MME: variants seen among roughly 807,000 people sequenced by gnomAD.
MME encodes membrane metalloendopeptidase, also known as neprilysin.
Under a neutral mutation model 113.2 loss-of-function variants are expected in MME, and 98 were observed. The observed-to-expected ratio is 0.87, with a 90% confidence interval of 0.74 to 1.02. The LOEUF is 1.02. Among genes scored for constraint, MME ranks in the 50% least tolerant of loss-of-function variants. The pLI is 0.00. For synonymous variants in MME, 292 were observed against 300.6 expected, an observed-to-expected ratio of 0.97 and a Z score of 0.30; for missense variants, 836 against 896.0, an observed-to-expected ratio of 0.93 and a Z score of 0.86.
intron 16 of MME, among the ~76,000 whole-genome samples, chr3:155,150,966 A>T (rs1721878278): frequency 6.6e-6 from 1 of 152,082 alleles, no homozygotes; most frequent in African/African-American, 2.4e-5. Context: ...AAAGTTACTG[A>T]CTTATTTTGA....
intron 7 of MME, among the ~76,000 whole-genome samples, chr3:155,118,533 A>C (rs1334355476): frequency 6.6e-6 from 1 of 152,188 alleles, no homozygotes; most frequent in Non-Finnish European, 1.5e-5. Flanking sequence ...TATCTGCAGC[A>C]CAGTCCTCCA....
intron 22 of MME, among the ~76,000 whole-genome samples, chr3:155,173,506 T>G (rs545099631): frequency 6.6e-6 from 1 of 152,070 alleles, no homozygotes; most frequent in African/African-American, 2.4e-5. Context: ...ACACATTTAA[T>G]TATGAAGCAA....
chr3:155,044,899 A>T (rs1713497723), intron 1 of MME, among the ~76,000 whole-genome samples: 1 of 152,180 alleles, frequency 6.6e-6, no homozygotes, highest in Admixed American at 6.5e-5. Flanking sequence ...TTTTAAATAC[A>T]TGCATATTAA....
chr3:155,137,410 G>T (rs148384867), intron 8 of MME, among the ~76,000 whole-genome samples: 1 of 152,270 alleles, frequency 6.6e-6, no homozygotes, highest in Non-Finnish European at 1.5e-5. Context: ...ATTTGGTAAA[G>T]AAATGTATTA....
In MME at chr3:155,172,146, C is replaced by A. The variant is rs201494121; in HGVS notation, c.2010C>A (p.Gly670=). 1.2e-6 allele frequency: 2 copies of A among 1,609,264 alleles called. No individual in the cohort carries two copies. The highest frequency in any genetic ancestry group is 1.7e-6 in the Non-Finnish European group (2 of 1,176,064). Residue 670 remains glycine, a synonymous_variant, in exon 21 of 23, where the codon GGC becomes GGA. Transcript: ENST00000360490. ...RAYQNYIKKN[G]EEKLLPGLDL... ...ATCAGAATTATATTAAAAAGAATGG[C>A]GAAGAAAAATTACTTCCTGGACTTG... is the stretch of plus-strand genomic sequence containing the variant.
At chr3:155,117,910 C>A (rs1327045066) in intron 7 of MME, among the ~76,000 whole-genome samples, 1 of 152,150 alleles carries the variant, frequency 6.6e-6, no homozygotes, top group Non-Finnish European at 1.5e-5. Context: ...CTCTCCACAG[C>A]TGCTAGGATT....
intron 1 of MME, among the ~76,000 whole-genome samples, chr3:155,070,092 A>G (rs559024153): frequency 3.3e-5 from 5 of 152,356 alleles, no homozygotes; most frequent in South Asian, 4.1e-4. Context: ...TTGAGACAAA[A>G]GCAAGACAAT....
chr3:155,116,404 G>T lies in MME; in HGVS notation c.359-75G>T, dbSNP rs2108255030. The T allele has an allele frequency of 4.5e-6, 5 of 1,117,384 alleles. No homozygotes were observed. The East Asian group carries it at 1.2e-4, about 27-fold the overall frequency. 69.2% of individuals were successfully genotyped at this position (1,117,384 alleles called of 1,614,324 possible). On this transcript the variant is annotated intron_variant, in intron 4 of 22. Transcript: ENST00000360490. Reference sequence around the variant, plus strand: ...ACCCACTTTGCAAATGTTAATTACTGCAAATGAGCAATTATGTTTGCATAG... The same window carrying T: ...ACCCACTTTGCAAATGTTAATTACTTCAAATGAGCAATTATGTTTGCATAG...
chr3:155,155,553 C>T (rs1722253280), intron 16 of MME, among the ~76,000 whole-genome samples: 1 of 152,150 alleles, frequency 6.6e-6, no homozygotes, highest in Non-Finnish European at 1.5e-5. Context: ...ATGCTCCCAC[C>T]ACTGGTCTTA....
rs566022352 is a variant in MME at position 155,182,448 on chromosome 3, A to C, written c.*1989A>C. 1 of 152,326 alleles carries C rather than the reference A, an allele frequency of 6.6e-6. No homozygotes were observed. Among genetic ancestry groups the C allele is most frequent in the East Asian group, 1.9e-4 (1 of 5,186 alleles). 9.4% of individuals were successfully genotyped at this position (152,326 alleles called of 1,614,324 possible). ...AATCCTTCCAAAAATTATTATAAGC[A>C]TTGAAATTATAGTTTCAAGCCAACT... On this transcript the variant is annotated 3_prime_UTR_variant, in exon 23 of 23. Transcript: ENST00000360490.
chr3:155,096,070 A>G (rs998714697), intron 3 of MME, among the ~76,000 whole-genome samples: 1 of 152,180 alleles, frequency 6.6e-6, no homozygotes, highest in Admixed American at 6.5e-5. Context: ...TTTAGGACCT[A>G]CTAGTGGTTC....
rs1404780172 is a variant in MME, at chr3:155,168,460, G to T, written c.1781-32G>T. 4 of 1,576,520 alleles carry T rather than the reference G, an allele frequency of 2.5e-6. No individual in the cohort carries two copies. The African/African-American group carries it at 4.1e-5, about 16-fold the overall frequency. The stretch of plus-strand genomic sequence containing the variant: ...TATCTTATAATTCTTGTTGCAATGA[G>T]TTCCCATTTTACTTAAATAAATATA... On this transcript the variant is annotated intron_variant, in intron 18 of 22. Transcript: ENST00000360490.
At position 155,030,410 on chromosome 3, in the gene MME, TTTG is replaced by T. The variant is rs992229398; in HGVS notation, c.-11+6104_-11+6106del. On this transcript the variant is annotated intron_variant, in intron 1 of 22. Transcript: ENST00000492661. The stretch of plus-strand genomic sequence containing the variant: ...TCTTTTCAACTTTGCTTGTTTTGTT[TTTG>T]TTGTTGTTGTTGTTGTTAGATTATT... 1.9e-3 allele frequency among the ~76,000 whole-genome samples: 294 copies of T among 152,224 alleles called. 1 individual carries two copies. Among genetic ancestry groups the T allele is most frequent in the African/African-American group, 6.9e-3 (288 of 41,568 alleles).
intron 1 of MME, among the ~76,000 whole-genome samples, chr3:155,042,470 G>A (rs546001105): frequency 2.0e-5 from 3 of 152,198 alleles, no homozygotes; most frequent in South Asian, 4.2e-4. Context: ...AAGAAAGATA[G>A]GCACACGCAT....
intron 1 of MME, among the ~76,000 whole-genome samples, chr3:155,048,382 CTTCTT>C (rs1400971450): frequency 6.6e-6 from 1 of 152,102 alleles, no homozygotes; most frequent in Non-Finnish European, 1.5e-5. Flanking sequence ...TACAATCTGT[CTTCTT>C]TTGTTTCTTT....
At chr3:155,131,706 G>A (rs1720161328) in intron 8 of MME, among the ~76,000 whole-genome samples, 1 of 152,100 alleles carries the variant, frequency 6.6e-6, no homozygotes, top group Non-Finnish European at 1.5e-5. Flanking sequence ...GGTCCTCTTA[G>A]GTCCCACGTT....
chr3:155,038,398 C>A (rs150831440), intron 1 of MME, among the ~76,000 whole-genome samples: 1 of 151,134 alleles, frequency 6.6e-6, no homozygotes, highest in Admixed American at 6.6e-5. Flanking sequence ...TCACTAGTGT[C>A]TAGGACCTTG....
At chr3:155,084,944 G>A in intron 2 of MME, 115 bp from the exon 3 acceptor site, 1 of 656,706 alleles carries the variant, frequency 1.5e-6, no homozygotes, top group Non-Finnish European at 2.7e-6. Context: ...TCAGTTTTTA[G>A]TTCTTGCTTT....
chr3:155,067,657 A>G (rs924311080), intron 1 of MME, among the ~76,000 whole-genome samples: 8 of 152,104 alleles, frequency 5.3e-5, no homozygotes, highest in African/African-American at 1.9e-4. Context: ...AAAAAGATAT[A>G]TGGATAACAA....
Sources: allele counts gnomAD v4.1 joint callset (sites outside exome capture counted in the v4.1 genomes callset), GRCh38; gene constraint gnomAD v4.1.1; transcripts MANE v1.5; gene names NCBI Gene and HGNC (gene_info 2026-07-23, HGNC 2026-07-21).